BCR: variants seen among roughly 807,000 people sequenced by gnomAD.
BCR encodes BCR activator of RhoGEF and GTPase, also known as breakpoint cluster region protein.
Under a neutral mutation model 138.6 loss-of-function variants are expected in BCR, and 58 were observed. That is an observed-to-expected ratio of 0.42 (90% CI 0.34 to 0.52). The LOEUF (loss-of-function observed/expected upper bound fraction) is 0.52. Ranked by LOEUF, BCR falls within the 20% of genes least tolerant of loss-of-function variation. BCR has a pLI of 0.06. For missense variants in BCR, 1,599 were observed against 1,727.2 expected, an observed-to-expected ratio of 0.93 and a Z score of 1.32; for synonymous variants, 786 against 730.1, an observed-to-expected ratio of 1.08 and a Z score of -1.23.
At chr22:23,260,905 C>T (rs2073349363) in intron 2 of BCR, 45 bp from the exon 3 acceptor site, 2 of 1,570,746 alleles carry the variant, frequency 1.3e-6, no homozygotes, top group East Asian at 2.2e-5. Flanking sequence ...TGGAAGAATC[C>T]CCCTACCACC....
At chr22:23,235,167 C>T (rs1262519814) in intron 1 of BCR, among the ~76,000 whole-genome samples, 2 of 143,742 alleles carry the variant, frequency 1.4e-5, no homozygotes, top group African/African-American at 4.9e-5. Context: ...TGCAGTGGTA[C>T]GATCTTGGCT....
intron 1 of BCR, among the ~76,000 whole-genome samples, chr22:23,229,508 G>A (rs1602039867): frequency 6.6e-6 from 1 of 151,520 alleles, no homozygotes; most frequent in African/African-American, 2.4e-5. Context: ...TTTTTAAACA[G>A]GCAGTCAACC....
intron 16 of BCR, among the ~76,000 whole-genome samples, chr22:23,297,832 A>G (rs924398341): frequency 6.6e-6 from 1 of 152,106 alleles, no homozygotes; most frequent in Non-Finnish European, 1.5e-5. Context: ...TGAAAGAGAG[A>G]AAAGAGCTGA....
intron 1 of BCR, among the ~76,000 whole-genome samples, chr22:23,216,747 G>A (rs2072758036): frequency 2.0e-5 from 3 of 152,238 alleles, no homozygotes; most frequent in Admixed American, 1.3e-4. Flanking sequence ...ATCCGAGGTG[G>A]CCTAACCGTT....
chr22:23,192,679 G>T (rs1012391857), intron 1 of BCR, among the ~76,000 whole-genome samples: 12 of 152,190 alleles, frequency 7.9e-5, no homozygotes, highest in South Asian at 2.1e-4. Context: ...AAGTTGTGTG[G>T]CAAGGGGCCC....
intron 16 of BCR, among the ~76,000 whole-genome samples, chr22:23,303,415 A>T (rs2073924095): frequency 6.6e-6 from 1 of 152,370 alleles, no homozygotes; most frequent in South Asian, 2.1e-4. Flanking sequence ...TCTGAGGGCC[A>T]CGTAGGTCTT....
At position 23,268,461 on chromosome 22, in the gene BCR, G is replaced by A; in HGVS notation, c.1806G>A (p.Met602Ile). 1 of 1,614,002 alleles carries A rather than the reference G, an allele frequency of 6.2e-7. No homozygotes were observed. Among genetic ancestry groups the A allele is most frequent in the Non-Finnish European group, 8.5e-7 (1 of 1,179,934 alleles). Reference protein sequence around the residue: ...RAFVDNYGVAMEMAEKCCQAN... With the variant: ...RAFVDNYGVAIEMAEKCCQAN... Reference sequence around the variant, plus strand: ...TCGTGGACAACTACGGAGTTGCCATGGAAATGGCTGAGAAGTGCTGTCAGG... The same window carrying A: ...TCGTGGACAACTACGGAGTTGCCATAGAAATGGCTGAGAAGTGCTGTCAGG... Residue 602 changes from methionine to isoleucine, a missense_variant, in exon 5 of 23, where the codon ATG becomes ATA. Transcript: ENST00000305877.
At chr22:23,263,636 C>T (rs959226368) in intron 4 of BCR, 64 of 1,487,936 alleles carry the variant, frequency 4.3e-5, no homozygotes, top group African/African-American at 6.9e-5. Context: ...CTGGCCACCT[C>T]GCATATTGTC....
At chr22:23,197,290 A>G (rs5759639) in intron 1 of BCR, among the ~76,000 whole-genome samples, 13,874 of 152,242 alleles carry the variant, frequency 0.091, 1,356 homozygotes, top group East Asian at 0.55. Flanking sequence ...TCTGTCGTGT[A>G]GGTTTGTGTA....
intron 1 of BCR, among the ~76,000 whole-genome samples, chr22:23,248,206 T>G (rs1324181735): frequency 6.6e-6 from 1 of 152,064 alleles, no homozygotes; most frequent in East Asian, 1.9e-4. Flanking sequence ...TAGCTGGGTG[T>G]GGTGGCGCAC....
At chr22:23,185,797 C>T (rs908212276) in intron 1 of BCR, among the ~76,000 whole-genome samples, 2 of 151,262 alleles carry the variant, frequency 1.3e-5, no homozygotes, top group African/African-American at 4.9e-5. Flanking sequence ...CCAGCGATCT[C>T]GGCTCACTGC....
At chr22:23,211,932 AG>A (rs918776349) in intron 1 of BCR, among the ~76,000 whole-genome samples, 6 of 151,984 alleles carry the variant, frequency 3.9e-5, no homozygotes, top group African/African-American at 1.5e-4. Context: ...TGCTCCTCTC[AG>A]AGTGCCCCAG....
chr22:23,210,087 C>A (rs1250005088), intron 1 of BCR, among the ~76,000 whole-genome samples: 2 of 152,014 alleles, frequency 1.3e-5, no homozygotes, highest in Non-Finnish European at 2.9e-5. Flanking sequence ...GAAGGTAAAA[C>A]AAAAATACAT....
At chr22:23,230,733 C>A (rs2072948205) in intron 1 of BCR, among the ~76,000 whole-genome samples, 1 of 152,210 alleles carries the variant, frequency 6.6e-6, no homozygotes, top group Non-Finnish European at 1.5e-5. Context: ...GAGAGAAAGC[C>A]TTCAGGCCAC....
intron 15 of BCR, among the ~76,000 whole-genome samples, chr22:23,293,630 G>C (rs1461227623): frequency 6.6e-6 from 1 of 152,162 alleles, no homozygotes; most frequent in Non-Finnish European, 1.5e-5. Context: ...ACCCAGCAGA[G>C]ACAACAAGAG....
rs150218095 is a variant in BCR, at chr22:23,312,862, C to T, written c.3323-25C>T. ...ACTCACTCGGGATCCTCAAGGAGGCCGCTGCATTTCCGTGCTCTTTCCAGA... is the reference window on the plus strand; with the variant it reads ...ACTCACTCGGGATCCTCAAGGAGGCTGCTGCATTTCCGTGCTCTTTCCAGA... On this transcript the variant is annotated intron_variant, in intron 19 of 22. Transcript: ENST00000305877. 3.8e-3 allele frequency: 6,022 copies of T among 1,595,858 alleles called. 193 individuals are homozygous for T. In the Admixed American group the frequency reaches 0.061, roughly 16 times the overall value.
chr22:23,281,014 C>T (rs115206479), intron 8 of BCR, among the ~76,000 whole-genome samples: 1,816 of 152,324 alleles, frequency 0.012, 30 homozygotes, highest in African/African-American at 0.042. Context: ...CGGGCACACA[C>T]CTACCCAGGC....
At position 23,180,850 on chromosome 22, in the gene BCR, C is replaced by T; in HGVS notation, c.-111C>T. 1 of 438,160 alleles carries T rather than the reference C, an allele frequency of 2.3e-6. No individual in the cohort carries two copies. Among genetic ancestry groups the T allele is most frequent in the Non-Finnish European group, 2.5e-6 (1 of 400,454 alleles). The allele number at this position is 438,160 out of a possible 1,614,324, so 27.1% of individuals were successfully genotyped here. On this transcript the variant is annotated 5_prime_UTR_variant, in exon 1 of 23. Coordinates refer to ENST00000305877, the MANE Select transcript of BCR (RefSeq NM_004327.4). ...GCATTGTTCGCCGCCGCCGCCGCCG[C>T]GCGGGCCATGGGGGCCGCCCGGCGC...
intron 1 of BCR, among the ~76,000 whole-genome samples, chr22:23,224,715 C>T (rs1025339930): frequency 6.6e-6 from 1 of 152,188 alleles, no homozygotes; most frequent in Non-Finnish European, 1.5e-5. Flanking sequence ...AACCCTGTCT[C>T]TACTAAGAAT....
Sources: gnomAD v4.1 joint callset for allele counts (sites outside exome capture counted in the v4.1 genomes callset) on GRCh38, gnomAD v4.1.1 for gene constraint, MANE v1.5 for transcripts, NCBI Gene and HGNC (gene_info 2026-07-23, HGNC 2026-07-21) for gene names.